Variants in CFAP299 observed in about 807,000 individuals in gnomAD.
CFAP299 encodes the protein cilia- and flagella-associated protein 299.
In CFAP299, 21 loss-of-function variants were observed where a neutral mutation model predicts 27.0. The ratio of observed to expected loss-of-function variants is 0.78; its 90% CI spans 0.55 to 1.12. The LOEUF (loss-of-function observed/expected upper bound fraction) is 1.12, where lower values mean the gene tolerates loss of function less well. Ranked by LOEUF, CFAP299 falls within the 50% of genes most tolerant of loss-of-function variation. The probability of loss-of-function intolerance (pLI) is 0.00; values close to 1 mark genes in which losing one functional copy is unlikely to be tolerated. For missense variants in CFAP299, 310 were observed against 276.6 expected (o/e 1.12, Z -0.86); for synonymous variants, 104 against 98.1 (o/e 1.06, Z -0.36).
At chr4:80,411,391 G>A (rs1277532526) in intron 2 of CFAP299, among the ~76,000 whole-genome samples, 1 of 152,116 alleles carries the variant, frequency 6.6e-6, no homozygotes, top group Non-Finnish European at 1.5e-5. Context: ...TTTGCTTAGA[G>A]TTAACTTATT....
chr4:80,604,901 A>AAAC (rs1280930959), intron 3 of CFAP299, among the ~76,000 whole-genome samples: 3 of 151,646 alleles, frequency 2.0e-5, no homozygotes, highest in East Asian at 1.9e-4. Flanking sequence ...AGAAAAAAAA[A>AAAC]AAACATGTAA....
intron 3 of CFAP299, among the ~76,000 whole-genome samples, chr4:80,836,147 C>A (rs1730548539): frequency 6.6e-6 from 1 of 152,068 alleles, no homozygotes; most frequent in Admixed American, 6.6e-5. Context: ...TGCACTAAGC[C>A]TATGTATCAT....
chr4:80,802,927 T>C (rs1188601521), intron 3 of CFAP299, among the ~76,000 whole-genome samples: 2 of 152,086 alleles, frequency 1.3e-5, no homozygotes, highest in East Asian at 3.8e-4. Context: ...AGCTGTACTT[T>C]ATTGACAAAA....
At chr4:80,386,543 T>G in intron 2 of CFAP299, 7 of 1,592,962 alleles carry the variant, frequency 4.4e-6, no homozygotes, top group Non-Finnish European at 6.0e-6. Context: ...GGTTTGCAGG[T>G]CCTTTTCCTT....
intron 3 of CFAP299, among the ~76,000 whole-genome samples, chr4:80,588,894 T>C (rs955878448): frequency 6.6e-6 from 1 of 152,188 alleles, no homozygotes; most frequent in African/African-American, 2.4e-5. Flanking sequence ...ATATCCACTT[T>C]ATAGATGAGA....
chr4:80,341,983 C>A (rs558410382), intron 1 of CFAP299, among the ~76,000 whole-genome samples: 188 of 152,242 alleles, frequency 1.2e-3, no homozygotes, highest in African/African-American at 4.3e-3. Context: ...GCATCACTGA[C>A]CTGATGGAGA....
chr4:80,766,308 A>G (rs1044613785), intron 3 of CFAP299, among the ~76,000 whole-genome samples: 60 of 152,302 alleles, frequency 3.9e-4, no homozygotes, highest in Middle Eastern at 3.4e-3. Flanking sequence ...TTACAATAGA[A>G]TACTGGAGTA....
In CFAP299 at chr4:80,810,690, T is replaced by A. The variant is rs1300375285; in HGVS notation, c.334-59303T>A. 2.6e-5 allele frequency among the ~76,000 whole-genome samples: 4 copies of A among 152,220 alleles called. 1 individual carries two copies. The highest frequency in any genetic ancestry group is 4.1e-4 in the South Asian group (2 of 4,832). ...CCAGAAGGAACCAATCATGCCCACA[T>A]ATTTTTTCAGACTACTGGCCTCAGG... is the stretch of plus-strand genomic sequence containing the variant. On this transcript the variant is annotated intron_variant, in intron 3 of 5. Coordinates refer to ENST00000358105, the MANE Select transcript of CFAP299 (RefSeq NM_152770.3).
chr4:80,741,146 A>G lies in CFAP299; in HGVS notation c.334-128847A>G, dbSNP rs140296192. Among the ~76,000 whole-genome samples the G allele has an allele frequency of 1.1e-3, 170 of 152,144 alleles. 2 individuals carry two copies. The highest frequency in any genetic ancestry group is 3.8e-3 in the African/African-American group (158 of 41,456). Reference sequence around the variant, plus strand: ...CTGCAGCCACCACAGTTTTGAATTTACTGTTTCACTCCTGAACAGAGCATG... The same window carrying G: ...CTGCAGCCACCACAGTTTTGAATTTGCTGTTTCACTCCTGAACAGAGCATG... On this transcript the variant is annotated intron_variant, in intron 3 of 5. Transcript: ENST00000358105.
At chr4:80,709,941 G>T (rs1722045282) in intron 3 of CFAP299, among the ~76,000 whole-genome samples, 1 of 152,160 alleles carries the variant, frequency 6.6e-6, no homozygotes, top group Admixed American at 6.6e-5. Flanking sequence ...ATAGCTAAGA[G>T]CATTGCCTCT....
At chr4:80,421,836 A>T (rs1427305999) in intron 2 of CFAP299, among the ~76,000 whole-genome samples, 2 of 152,140 alleles carry the variant, frequency 1.3e-5, no homozygotes, top group African/African-American at 2.4e-5. Context: ...TTCTTTTTCC[A>T]TTTACTTTCT....
At chr4:80,961,965 A>G (rs1243049666) in intron 5 of CFAP299, among the ~76,000 whole-genome samples, 1 of 151,988 alleles carries the variant, frequency 6.6e-6, no homozygotes, top group East Asian at 1.9e-4. Context: ...CAATTGTAAG[A>G]GTTCCAAAGA....
intron 3 of CFAP299, among the ~76,000 whole-genome samples, chr4:80,856,013 AG>A (rs1355139483): frequency 6.6e-6 from 1 of 151,714 alleles, no homozygotes; most frequent in Non-Finnish European, 1.5e-5. Flanking sequence ...ACTAGTTTAC[AG>A]TCCCACCAAC....
chr4:80,468,060 T>G (rs114952725), intron 2 of CFAP299, among the ~76,000 whole-genome samples: 2,541 of 152,272 alleles, frequency 0.017, 84 homozygotes, highest in African/African-American at 0.057. Context: ...AGCCAAACCA[T>G]CCCTATCAGT....
chr4:80,576,067 G>A (rs1735837260), intron 2 of CFAP299, among the ~76,000 whole-genome samples: 1 of 151,824 alleles, frequency 6.6e-6, no homozygotes, highest in African/African-American at 2.4e-5. Context: ...GATAGCATTA[G>A]GAGATATACC....
chr4:80,848,986 GA>G (rs1731339794), intron 3 of CFAP299, among the ~76,000 whole-genome samples: 1 of 152,010 alleles, frequency 6.6e-6, no homozygotes, highest in Non-Finnish European at 1.5e-5. Context: ...TAAATTTATA[GA>G]ACAACATTTT....
intron 3 of CFAP299, among the ~76,000 whole-genome samples, chr4:80,583,807 C>A (rs1736294450): frequency 6.6e-6 from 1 of 151,802 alleles, no homozygotes; most frequent in African/African-American, 2.4e-5. Flanking sequence ...TGTTCCAAAT[C>A]AAATTTAATA....
intron 2 of CFAP299, among the ~76,000 whole-genome samples, chr4:80,366,430 A>T (rs1269566772): frequency 6.6e-6 from 1 of 152,170 alleles, no homozygotes; most frequent in African/African-American, 2.4e-5. Flanking sequence ...GTATATTTTG[A>T]TTAGGGATGT....
chr4:80,832,161 C>T (rs977834095), intron 3 of CFAP299, among the ~76,000 whole-genome samples: 1 of 152,108 alleles, frequency 6.6e-6, no homozygotes, highest in Non-Finnish European at 1.5e-5. Flanking sequence ...TGGGGCTAAC[C>T]TCTCAAGTGT....
Sources: gnomAD v4.1 joint callset for allele counts (sites outside exome capture counted in the v4.1 genomes callset) on GRCh38, gnomAD v4.1.1 for gene constraint, MANE v1.5 for transcripts, NCBI Gene and HGNC (gene_info 2026-07-23, HGNC 2026-07-21) for gene names.